Variants in SCIN observed in about 807,000 individuals in gnomAD.
SCIN encodes the protein adseverin.
Under a neutral mutation model 91.8 loss-of-function variants are expected in SCIN, and 91 were observed. The ratio of observed to expected loss-of-function variants is 0.99; its 90% CI spans 0.84 to 1.18. The LOEUF is 1.18. SCIN is among the 50% of genes most tolerant of loss of function. SCIN has a pLI of 0.00. For synonymous variants in SCIN, 367 were observed against 312.6 expected, an observed-to-expected ratio of 1.17 and a Z score of -1.84; for missense variants, 1,087 against 863.9, an observed-to-expected ratio of 1.26 and a Z score of -3.24.
In SCIN at chr7:12,641,289, C is replaced by T. The variant is rs116817267; in HGVS notation, c.1581+772C>T. Among the ~76,000 whole-genome samples the T allele has an allele frequency of 5.9e-3, 901 of 152,240 alleles. 7 individuals carry two copies. Among genetic ancestry groups the T allele is most frequent in the African/African-American group, 0.021 (866 of 41,530 alleles). ...TCTTCTCTAAGCCTCCCTCTCCCTGCACCTGATTTCTCTACGACTGTCCTC... is the reference window on the plus strand; with the variant it reads ...TCTTCTCTAAGCCTCCCTCTCCCTGTACCTGATTTCTCTACGACTGTCCTC... On this transcript the variant is annotated intron_variant, in intron 11 of 15. Transcript: ENST00000297029.
In SCIN at chr7:12,599,767, A is replaced by AT. The variant is rs147104152; in HGVS notation, c.517-4745dup. ...GATTTTGATTTGCATTTCTCTGATG[A>AT]TTAGTGAAGTTGAGCATCTTTTCAT... On this transcript the variant is annotated intron_variant, in intron 3 of 15. Transcript: ENST00000297029. Among the ~76,000 whole-genome samples the AT allele has an allele frequency of 5.0e-3, 762 of 151,986 alleles. 7 individuals are homozygous for AT. Among genetic ancestry groups the AT allele is most frequent in the African/African-American group, 0.018 (734 of 41,450 alleles).
chr7:12,635,894 G>T, intron 9 of SCIN, 151 bp from the exon 10 acceptor site: 1 of 628,318 alleles, frequency 1.6e-6, no homozygotes. Context: ...TAGATACCTT[G>T]ACAAAAACAA....
chr7:12,622,617 T>A (rs1038137136), intron 4 of SCIN, among the ~76,000 whole-genome samples, 184 bp from the exon 5 acceptor site: 6 of 152,164 alleles, frequency 3.9e-5, no homozygotes, highest in Non-Finnish European at 8.8e-5. Flanking sequence ...GTTTACTTAA[T>A]GCAATTGATT....
At chr7:12,587,820 T>C (rs931693724) in intron 3 of SCIN, among the ~76,000 whole-genome samples, 1 of 152,188 alleles carries the variant, frequency 6.6e-6, no homozygotes, top group Non-Finnish European at 1.5e-5. Flanking sequence ...TCTTCTTTTT[T>C]ACTTTTTGAA....
intron 13 of SCIN, among the ~76,000 whole-genome samples, chr7:12,649,049 C>T (rs1020486912): frequency 3.3e-5 from 5 of 152,132 alleles, no homozygotes; most frequent in Non-Finnish European, 5.9e-5. Flanking sequence ...TACTTTCTTA[C>T]TCTGTGAGGA....
chr7:12,628,434 G>A (rs573561140), intron 8 of SCIN, among the ~76,000 whole-genome samples: 1 of 152,224 alleles, frequency 6.6e-6, no homozygotes, highest in South Asian at 2.1e-4. Flanking sequence ...CCACTTTCAG[G>A]TTCATAGACT....
In SCIN at chr7:12,644,568, A is replaced by C; in HGVS notation, c.1760-16A>C. 6.2e-7 allele frequency: 1 copy of C among 1,612,538 alleles called. No individual in the cohort carries two copies. Among genetic ancestry groups the C allele is most frequent in the South Asian group, 1.1e-5 (1 of 90,622 alleles). ...TCCCTGAAAATGCACTGGATAACTG[A>C]GTGTGTTTTCCACAGAGGAGTTCTG... is the stretch of plus-strand genomic sequence containing the variant. On this transcript the variant is annotated splice_polypyrimidine_tract_variant and intron_variant, in intron 12 of 15. Coordinates refer to ENST00000297029, the MANE Select transcript of SCIN (RefSeq NM_001112706.3).
intron 4 of SCIN, among the ~76,000 whole-genome samples, chr7:12,605,225 G>C (rs930591981): frequency 5.3e-5 from 8 of 151,982 alleles, no homozygotes; most frequent in African/African-American, 1.9e-4. Flanking sequence ...CTAATTTTTT[G>C]TATTTTTGGT....
chr7:12,581,035 G>A (rs1347439656), intron 2 of SCIN, 25 bp from the exon 3 acceptor site: 1 of 1,544,512 alleles, frequency 6.5e-7, no homozygotes, highest in South Asian at 1.2e-5. Flanking sequence ...TGTTTTTTGT[G>A]TGTCTGTCTT....
intron 4 of SCIN, 128 bp downstream of exon 4, chr7:12,604,791 A>G: frequency 1.4e-6 from 1 of 731,510 alleles, no homozygotes; most frequent in Non-Finnish European, 2.2e-6. Flanking sequence ...ATGTTTCAAT[A>G]GTGAGCCTAG....
Position 12,640,423 on chromosome 7 carries a change from A to C in SCIN, c.1487A>C (p.Asn496Thr). ...FKDKPLIIYK[N>T]GTSKKGGQAP... ...GACAAACCGCTCATTATTTACAAGA[A>C]TGGAACATCAAAGAAAGGAGGTCAG... Residue 496 changes from asparagine to threonine, a missense_variant, in exon 11 of 16, where the codon AAT becomes ACT. Asn to Thr is a moderately conservative substitution (Grantham distance 65). Transcript: ENST00000297029. The C allele has an allele frequency of 6.2e-7, 1 of 1,613,524 alleles. No individual in the cohort carries two copies.
At chr7:12,610,492 T>C (rs1783168374) in intron 4 of SCIN, among the ~76,000 whole-genome samples, 1 of 152,234 alleles carries the variant, frequency 6.6e-6, no homozygotes, top group African/African-American at 2.4e-5. Flanking sequence ...TGTGTAGCCC[T>C]CACAGCTCTA....
intron 3 of SCIN, among the ~76,000 whole-genome samples, chr7:12,599,831 C>T (rs1782922011): frequency 6.6e-6 from 1 of 152,126 alleles, no homozygotes; most frequent in South Asian, 2.1e-4. Context: ...TCAGAACTGT[C>T]TGTTCATGTC....
At chr7:12,633,494 G>C (rs572068810) in intron 9 of SCIN, among the ~76,000 whole-genome samples, 1 of 152,304 alleles carries the variant, frequency 6.6e-6, no homozygotes, top group African/African-American at 2.4e-5. Context: ...ATGGCAGTTT[G>C]GTACTTGGGA....
intron 13 of SCIN, among the ~76,000 whole-genome samples, chr7:12,645,722 C>T (rs1300597828): frequency 6.6e-6 from 1 of 152,172 alleles, no homozygotes; most frequent in Non-Finnish European, 1.5e-5. Context: ...TTAGGTCCCA[C>T]TTATAAGTGA....
At chr7:12,600,404 C>G (rs879279800) in intron 3 of SCIN, among the ~76,000 whole-genome samples, 2 of 152,100 alleles carry the variant, frequency 1.3e-5, no homozygotes, top group Admixed American at 6.6e-5. Flanking sequence ...ACAGTGTAAA[C>G]TGCTCGGGTG....
At chr7:12,628,536 A>G (rs1783576601) in intron 8 of SCIN, among the ~76,000 whole-genome samples, 2 of 152,060 alleles carry the variant, frequency 1.3e-5, no homozygotes, top group African/African-American at 4.8e-5. Flanking sequence ...CAGCCTCATG[A>G]CCTAATTACC....
At chr7:12,587,676 G>A (rs1218238022) in intron 3 of SCIN, among the ~76,000 whole-genome samples, 1 of 152,174 alleles carries the variant, frequency 6.6e-6, no homozygotes, top group African/African-American at 2.4e-5. Flanking sequence ...CAGTGGCTTG[G>A]ATGCTACCCT....
chr7:12,611,204 A>C (rs1783184876), intron 4 of SCIN: 3 of 152,216 alleles, frequency 2.0e-5, no homozygotes, highest in Non-Finnish European at 4.4e-5. Context: ...TTACTGAGTC[A>C]TCTAGTACAT....
Sources: allele counts gnomAD v4.1 joint callset (sites outside exome capture counted in the v4.1 genomes callset), GRCh38; gene constraint gnomAD v4.1.1; transcripts MANE v1.5; gene names NCBI Gene and HGNC (gene_info 2026-07-23, HGNC 2026-07-21).